TMCC2: variants seen among roughly 807,000 people sequenced by gnomAD.
TMCC2 encodes transmembrane and coiled-coil domains protein 2.
In TMCC2, 16 loss-of-function variants were observed where a neutral mutation model predicts 49.4. The ratio of observed to expected loss-of-function variants is 0.32; its 90% CI spans 0.22 to 0.49. The LOEUF (loss-of-function observed/expected upper bound fraction) is 0.49. Among genes scored for constraint, TMCC2 ranks in the 20% least tolerant of loss-of-function variants. TMCC2 has a pLI of 0.99. For synonymous variants in TMCC2, 397 were observed against 434.1 expected, an observed-to-expected ratio of 0.91 and a Z score of 1.06; for missense variants, 762 against 989.8, an observed-to-expected ratio of 0.77 and a Z score of 3.09.
chr1:205,239,687 T>A (rs1660192531), intron 1 of TMCC2, among the ~76,000 whole-genome samples: 1 of 152,240 alleles, frequency 6.6e-6, no homozygotes, highest in Admixed American at 6.5e-5. Flanking sequence ...TGAGTTGTGA[T>A]GATGTAATTT....
At chr1:205,240,187 A>G (rs1158147067) in intron 1 of TMCC2, among the ~76,000 whole-genome samples, 6 of 152,190 alleles carry the variant, frequency 3.9e-5, no homozygotes, top group Non-Finnish European at 5.9e-5. Context: ...AACAGCTCCA[A>G]AGCTCTCATA....
chr1:205,253,549 G>A (rs922233996), intron 2 of TMCC2, among the ~76,000 whole-genome samples: 17 of 152,244 alleles, frequency 1.1e-4, no homozygotes, highest in African/African-American at 4.1e-4. Context: ...TCACTGAGAT[G>A]TGGCCTCCAT....
At position 205,259,990 on chromosome 1, in the gene TMCC2, C is replaced by A. The variant is rs375901539; in HGVS notation, c.748-8960C>A. On this transcript the variant is annotated intron_variant, in intron 2 of 4. Coordinates refer to ENST00000358024, the MANE Select transcript of TMCC2 (RefSeq NM_014858.4). The stretch of plus-strand genomic sequence containing the variant: ...CAGACATTTGTCAGCACTTCTCAGC[C>A]CTCAGCCTTTGTGTAGAGCAAGATG... Among the ~76,000 whole-genome samples the A allele has an allele frequency of 3.3e-5, 5 of 152,142 alleles. No homozygotes were observed. The East Asian group carries it at 7.7e-4, about 23-fold the overall frequency.
At chr1:205,243,356 C>T (rs1195635019) in intron 2 of TMCC2, among the ~76,000 whole-genome samples, 2 of 152,080 alleles carry the variant, frequency 1.3e-5, no homozygotes, top group Admixed American at 6.5e-5. Flanking sequence ...TGCACTCCAG[C>T]CTGGGAGACA....
chr1:205,268,250 C>T (rs1331985048), intron 2 of TMCC2, among the ~76,000 whole-genome samples: 5 of 152,204 alleles, frequency 3.3e-5, no homozygotes, highest in Admixed American at 6.5e-5. Context: ...TGTCTCATTC[C>T]TCAGAAATCC....
intron 1 of TMCC2, among the ~76,000 whole-genome samples, chr1:205,232,809 C>A (rs893521063): frequency 6.6e-6 from 1 of 151,828 alleles, no homozygotes; most frequent in Non-Finnish European, 1.5e-5. Context: ...GTGGCACACA[C>A]CTGTAGTCCC....
In TMCC2 at chr1:205,271,991, A is replaced by G. The variant is rs1210180616; in HGVS notation, c.1997A>G (p.Asn666Ser). 4.3e-6 allele frequency: 7 copies of G among 1,614,162 alleles called. No homozygotes were observed. The highest frequency in any genetic ancestry group is 3.4e-6 in the Non-Finnish European group (4 of 1,180,020). ...VLLVFVSTIA[N>S]FITPLMKTRL... ...CTGGTGTTCGTGTCCACCATCGCCAACTTCATCACGCCCCTCATGAAGACA... is the reference window on the plus strand; with the variant it reads ...CTGGTGTTCGTGTCCACCATCGCCAGCTTCATCACGCCCCTCATGAAGACA... The change falls in exon 5 of 5, where the codon AAC (asparagine) becomes AGC (serine). Residue 666 changes from asparagine to serine, a missense_variant. Physicochemically the swap from Asn to Ser is conservative, Grantham distance 46. Around this residue, in one of 2 missense-constraint regions of TMCC2, gnomAD observed 440 missense variants for 636.7 expected, o/e 0.69. Transcript: ENST00000358024.
intron 1 of TMCC2, chr1:205,229,614 G>T: frequency 1.0e-6 from 1 of 983,690 alleles, no homozygotes; most frequent in Non-Finnish European, 1.2e-6. Context: ...GGAGCCAGAG[G>T]TTAAGATAGT....
At chr1:205,261,633 C>T (rs1017304741) in intron 2 of TMCC2, among the ~76,000 whole-genome samples, 13 of 151,296 alleles carry the variant, frequency 8.6e-5, no homozygotes, top group African/African-American at 3.2e-4. Context: ...GATCCACGAT[C>T]ATGCCATTGC....
intron 2 of TMCC2, among the ~76,000 whole-genome samples, chr1:205,261,196 CTTTTTTTT>C (rs34247734): frequency 1.0e-5 from 1 of 95,270 alleles, no homozygotes; most frequent in African/African-American, 4.2e-5. Flanking sequence ...CACTTATTTC[CTTTTTTTT>C]TTTTTTTTTT....
Position 205,269,133 on chromosome 1 carries a change from G to A in TMCC2, c.931G>A (p.Asp311Asn), listed in dbSNP as rs764181158. The change falls in exon 3 of 5, where the codon GAC becomes AAC. Residue 311 changes from aspartate (D) to asparagine (N), a missense_variant. Asp to Asn is a conservative substitution (Grantham distance 23). Coordinates refer to ENST00000358024, the MANE Select transcript of TMCC2 (RefSeq NM_014858.4). ...EQIKIEQEAR[D>N]DNVAEYLKLA... is the part of the protein sequence containing the mutation. ...GATCAAGATTGAGCAGGAGGCTCGC[G>A]ACGACAATGTGGCAGAGTATCTGAA... 13 of 1,614,138 alleles carry A rather than the reference G, an allele frequency of 8.1e-6. No individual in the cohort carries two copies. The highest frequency in any genetic ancestry group is 1.1e-5 in the Non-Finnish European group (13 of 1,180,038).
chr1:205,257,660 C>T (rs1223304768), intron 2 of TMCC2, among the ~76,000 whole-genome samples: 1 of 152,176 alleles, frequency 6.6e-6, no homozygotes, highest in Non-Finnish European at 1.5e-5. Context: ...TCAGCTGGGG[C>T]CCAGGCACCT....
chr1:205,242,376 G>A (rs1660307185), intron 2 of TMCC2, among the ~76,000 whole-genome samples: 1 of 152,166 alleles, frequency 6.6e-6, no homozygotes, highest in African/African-American at 2.4e-5. Flanking sequence ...AAGCAACTCT[G>A]GTTCTGCCAC....
intron 1 of TMCC2, among the ~76,000 whole-genome samples, chr1:205,233,367 A>T (rs1659886679): frequency 6.6e-6 from 1 of 152,178 alleles, no homozygotes; most frequent in South Asian, 2.1e-4. Flanking sequence ...CTCAAGACTC[A>T]TTTGGGTTCC....
intron 2 of TMCC2, chr1:205,246,773 G>T: frequency 7.0e-7 from 1 of 1,429,324 alleles, no homozygotes; most frequent in Non-Finnish European, 9.5e-7. Context: ...TATTTTATGA[G>T]GAGGGAAAAC....
intron 2 of TMCC2, chr1:205,246,503 T>C (rs2102556057): frequency 6.8e-7 from 1 of 1,480,970 alleles, no homozygotes; most frequent in Non-Finnish European, 9.0e-7. Flanking sequence ...GACTGAACCA[T>C]TTGCAAGCCT....
At chr1:205,260,650 T>C (rs1337440005) in intron 2 of TMCC2, among the ~76,000 whole-genome samples, 1 of 152,156 alleles carries the variant, frequency 6.6e-6, no homozygotes, top group Admixed American at 6.5e-5. Flanking sequence ...AAGGAAACCC[T>C]GTACCCATTA....
chr1:205,244,926 G>T (rs886197790), intron 2 of TMCC2, among the ~76,000 whole-genome samples: 4 of 152,148 alleles, frequency 2.6e-5, no homozygotes, highest in African/African-American at 7.2e-5. Flanking sequence ...TTACAATTTG[G>T]GGGGTGGGAT....
chr1:205,228,933 C>A, intron 1 of TMCC2, 162 bp downstream of exon 1: 2 of 1,421,290 alleles, frequency 1.4e-6, no homozygotes, highest in Non-Finnish European at 9.2e-7. Context: ...CGTCAGGTAC[C>A]ATTTATGCCT....
Sources: gnomAD v4.1 joint callset for allele counts (sites outside exome capture counted in the v4.1 genomes callset) on GRCh38, gnomAD v4.1.1 for gene constraint, gnomAD v4.1.1 regional missense constraint, MANE v1.5 for transcripts, NCBI Gene and HGNC (gene_info 2026-07-23, HGNC 2026-07-21) for gene names.